XPA: variants seen among roughly 807,000 people sequenced by gnomAD.
XPA encodes DNA repair protein complementing XP-A cells.
Under a neutral mutation model 35.7 loss-of-function variants are expected in XPA, and 27 were observed. The ratio of observed to expected loss-of-function variants is 0.76; its 90% CI spans 0.56 to 1.04. XPA has a LOEUF of 1.04. Among genes scored for constraint, XPA ranks in the 50% least tolerant of loss-of-function variants. The pLI is 0.00. For synonymous variants in XPA, 133 were observed against 118.4 expected (o/e 1.12, Z -0.80); for missense variants, 354 against 342.7 (o/e 1.03, Z -0.26).
At chr9:97,657,177 G>A in the XPA span, among the ~76,000 whole-genome samples, 1 of 151,958 alleles carries the variant, frequency 6.6e-6, no homozygotes, top group Non-Finnish European at 1.5e-5. Flanking sequence ...TGTGTTAGCT[G>A]GGATGATCTC....
chr9:97,660,474 T>C, the XPA span, among the ~76,000 whole-genome samples: 1 of 152,122 alleles, frequency 6.6e-6, no homozygotes, highest in African/African-American at 2.4e-5. Context: ...AAACAAAACC[T>C]CTCTGAAGTT....
chr9:97,656,211 A>G, the XPA span: 2 of 794,218 alleles, frequency 2.5e-6, no homozygotes, highest in Non-Finnish European at 4.0e-6. Flanking sequence ...CCCATTTTTA[A>G]TCAAGACTTA....
At chr9:97,691,802 G>C (rs1166421374) in intron 2 of XPA, among the ~76,000 whole-genome samples, 1 of 151,514 alleles carries the variant, frequency 6.6e-6, no homozygotes, top group Non-Finnish European at 1.5e-5. Flanking sequence ...AGAATCGCTT[G>C]AACCCAGGAG....
chr9:97,662,065 T>C, the XPA span: 8 of 1,613,624 alleles, frequency 5.0e-6, no homozygotes, highest in East Asian at 1.6e-4. Flanking sequence ...TTTTAACCCA[T>C]TGAAAATAGA....
the XPA span, chr9:97,668,717 G>A: frequency 1.1e-6 from 1 of 913,698 alleles, no homozygotes; most frequent in African/African-American, 2.5e-5. Context: ...TGGCGGGGTG[G>A]GGGGGTACTT....
the XPA span, chr9:97,669,035 T>C: frequency 6.8e-7 from 1 of 1,478,214 alleles, no homozygotes; most frequent in Non-Finnish European, 9.1e-7. Context: ...AGTTTTAGTT[T>C]TTAAAAATGT....
chr9:97,680,279 G>A (rs2131386219), intron 5 of XPA, among the ~76,000 whole-genome samples: 1 of 152,264 alleles, frequency 6.6e-6, no homozygotes, highest in South Asian at 2.1e-4. Context: ...GGGGATCTCA[G>A]CTCACTGCAA....
At chr9:97,655,928 A>G in the XPA span, 1 of 1,409,150 alleles carries the variant, frequency 7.1e-7, no homozygotes, top group Non-Finnish European at 9.9e-7. Context: ...GTAAGTTGTT[A>G]TAAGTTAACA....
the XPA span, chr9:97,669,504 CA>C: frequency 1.2e-6 from 1 of 817,356 alleles, no homozygotes; most frequent in Non-Finnish European, 2.0e-6. Context: ...GTGGAACAGG[CA>C]ATACTTTGGG....
chr9:97,681,251 A>G (rs991234560), intron 5 of XPA, among the ~76,000 whole-genome samples: 5 of 152,230 alleles, frequency 3.3e-5, no homozygotes, highest in African/African-American at 1.2e-4. Context: ...TAAATACTTT[A>G]TGGTAGGACA....
At chr9:97,682,414 G>A (rs1235461605) in intron 5 of XPA, 1 of 518,928 alleles carries the variant, frequency 1.9e-6, no homozygotes, top group Non-Finnish European at 3.8e-6. Flanking sequence ...GCCTATTCAG[G>A]AAGGCGGGAA....
chr9:97,689,252 T>C (rs556963495), intron 3 of XPA, among the ~76,000 whole-genome samples: 9 of 151,358 alleles, frequency 5.9e-5, no homozygotes, highest in African/African-American at 2.2e-4. Flanking sequence ...TGAGAGACGT[T>C]AAAAAACAAA....
chr9:97,687,898 C>T (rs543985561), intron 3 of XPA, among the ~76,000 whole-genome samples: 19 of 152,026 alleles, frequency 1.2e-4, no homozygotes, highest in Non-Finnish European at 8.8e-5. Context: ...ACATAGCCAG[C>T]GAATGAAGCT....
At chr9:97,670,974 C>A, downstream of XPA, 1 of 582,558 alleles carries the variant, frequency 1.7e-6, no homozygotes, top group Non-Finnish European at 3.0e-6. Flanking sequence ...CTTTTTTTTC[C>A]CCTTCCTCTT....
chr9:97,668,857 TGAC>T, the XPA span: 4 of 1,611,614 alleles, frequency 2.5e-6, no homozygotes, highest in East Asian at 2.2e-5. Flanking sequence ...GAAGTGATGA[TGAC>T]GACAGAAGCA....
At chr9:97,654,811 C>T in the XPA span, 1 of 1,287,112 alleles carries the variant, frequency 7.8e-7, no homozygotes, top group Non-Finnish European at 1.1e-6. Context: ...TGTTTTATTT[C>T]TATTCTTGTC....
At chr9:97,690,788 G>A (rs2808671) in intron 2 of XPA, among the ~76,000 whole-genome samples, 114,267 of 152,216 alleles carry the variant, frequency 0.75, 44,556 homozygotes, top group Middle Eastern at 0.88. Flanking sequence ...CTCCCAGAGT[G>A]CTGGGATTAC....
chr9:97,690,910 C>T (rs142919140), intron 2 of XPA, among the ~76,000 whole-genome samples: 169 of 152,350 alleles, frequency 1.1e-3, no homozygotes, highest in African/African-American at 4.0e-3. Flanking sequence ...GGTCTTTAAC[C>T]TTAATCATAT....
At chr9:97,655,058 C>T in the XPA span, 31 of 848,628 alleles carry the variant, frequency 3.7e-5, no homozygotes, top group Non-Finnish European at 5.2e-5. Context: ...TTTTTCTTGC[C>T]TCCCAAAATA....
Sources: allele counts gnomAD v4.1 joint callset (sites outside exome capture counted in the v4.1 genomes callset), GRCh38; gene constraint gnomAD v4.1.1; transcripts MANE v1.5; gene names NCBI Gene and HGNC (gene_info 2026-07-23, HGNC 2026-07-21).